CASP6: variants seen among roughly 807,000 people sequenced by gnomAD.
CASP6 encodes caspase-6.
In CASP6, 20 loss-of-function variants were observed where a neutral mutation model predicts 31.8. The ratio of observed to expected loss-of-function variants is 0.63; its 90% CI spans 0.44 to 0.91. The LOEUF (loss-of-function observed/expected upper bound fraction) is 0.91. CASP6 is among the 40% of genes least tolerant of loss of function. The probability of loss-of-function intolerance (pLI) is 0.00; values close to 1 mark genes in which losing one functional copy is unlikely to be tolerated. For synonymous variants in CASP6, 130 were observed against 127.8 expected, an observed-to-expected ratio of 1.02 and a Z score of -0.12; for missense variants, 328 against 361.1, an observed-to-expected ratio of 0.91 and a Z score of 0.74.
upstream of CASP6, among the ~76,000 whole-genome samples, chr4:109,704,150 G>T (rs1730530187): frequency 6.6e-6 from 1 of 152,130 alleles, no homozygotes. Flanking sequence ...TTTGAAATTA[G>T]GCCAACTAAT....
At chr4:109,682,807 T>C in the CASP6 span, 1 of 1,253,474 alleles carries the variant, frequency 8.0e-7, no homozygotes, top group Non-Finnish European at 1.1e-6. Flanking sequence ...GTGCTCCTCA[T>C]GTGAGCATTT....
At chr4:109,704,323 T>C (rs1173499306), upstream of CASP6, among the ~76,000 whole-genome samples, 2 of 152,188 alleles carry the variant, frequency 1.3e-5, no homozygotes, top group Non-Finnish European at 2.9e-5. Context: ...AAAAGCCAAG[T>C]CATGAATGCA....
chr4:109,689,172 G>A lies in CASP6; in HGVS notation c.*158C>T. On this transcript the variant is annotated 3_prime_UTR_variant, in exon 7 of 7. Coordinates refer to ENST00000265164, the MANE Select transcript of CASP6 (RefSeq NM_001226.4). ...TTTTTTGCATTTTTAGTAGAGACGG[G>A]GCTTCTCCATGTTGGTCAGGCTGGT... 1 of 659,118 alleles carries A rather than the reference G, an allele frequency of 1.5e-6. No homozygotes were observed. Among genetic ancestry groups the A allele is most frequent in the Non-Finnish European group, 2.7e-6 (1 of 374,600 alleles). The allele number at this position is 659,118 out of a possible 1,614,324, so 40.8% of individuals were successfully genotyped here. A position where few individuals can be genotyped will look rare whatever the true frequency, so the allele number is the denominator to read the frequency against.
At chr4:109,671,109 A>G in the CASP6 span, among the ~76,000 whole-genome samples, 47 of 152,336 alleles carry the variant, frequency 3.1e-4, no homozygotes, top group Admixed American at 1.4e-3. Flanking sequence ...TGCATCTAAG[A>G]AAAGTTGTTG....
the CASP6 span, among the ~76,000 whole-genome samples, chr4:109,671,861 G>A: frequency 1.6e-3 from 250 of 152,220 alleles, 1 homozygote; most frequent in Non-Finnish European, 2.9e-3. Flanking sequence ...TTTAGTGTGA[G>A]GTTTTATGTG....
intron 1 of CASP6, among the ~76,000 whole-genome samples, chr4:109,700,486 AAT>A (rs1448965353): frequency 3.3e-5 from 5 of 152,182 alleles, no homozygotes; most frequent in African/African-American, 1.2e-4. Flanking sequence ...TGCCCCTGTG[AAT>A]AGTCACCATA....
chr4:109,684,694 A>C (rs1729797336), downstream of CASP6: 1 of 905,538 alleles, frequency 1.1e-6, no homozygotes, highest in African/African-American at 1.6e-5. Flanking sequence ...CTTTGCAAAG[A>C]ATGTCTTATC....
chr4:109,672,432 A>C, the CASP6 span, among the ~76,000 whole-genome samples: 1 of 152,218 alleles, frequency 6.6e-6, no homozygotes, highest in Non-Finnish European at 1.5e-5. Context: ...AGTGTCCAGC[A>C]ATTCACCAAT....
At chr4:109,681,330 A>T in the CASP6 span, 1 of 310,448 alleles carries the variant, frequency 3.2e-6, no homozygotes, top group Non-Finnish European at 6.6e-6. Flanking sequence ...GGTTAAAGGT[A>T]GTCAAAAGCT....
chr4:109,706,131 T>TATATATATATATATATA (rs60918624), upstream of CASP6, among the ~76,000 whole-genome samples: 36 of 36,074 alleles, frequency 1.0e-3, 3 homozygotes, highest in African/African-American at 3.3e-3. Flanking sequence ...CCTATCCATT[T>TATATATATATATATATA]TATATATATA....
At chr4:109,687,251 T>C (rs547744375), downstream of CASP6, among the ~76,000 whole-genome samples, 68 of 151,980 alleles carry the variant, frequency 4.5e-4, 1 homozygote, top group South Asian at 0.013. Flanking sequence ...CCTAGCTACT[T>C]GGGAGGCTGA....
In CASP6 at chr4:109,688,976, AAGAC is replaced by A; in HGVS notation, c.*350_*353del. On this transcript the variant is annotated 3_prime_UTR_variant, in exon 7 of 7. Transcript: ENST00000265164. Reference sequence around the variant, plus strand: ...ACGATATTTATATAAAAGGAAGAGAAAGACATTTTCTTTTTTTTGAGACGGAGTT... The same window carrying A: ...ACGATATTTATATAAAAGGAAGAGAAATTTTCTTTTTTTTGAGACGGAGTT... The A allele has an allele frequency of 5.5e-6, 1 of 183,306 alleles. No homozygotes were observed. Among genetic ancestry groups the A allele is most frequent in the South Asian group, 1.2e-4 (1 of 8,404 alleles). 11.4% of individuals were successfully genotyped at this position (183,306 alleles called of 1,614,324 possible).
chr4:109,700,650 C>T (rs1699523402), intron 1 of CASP6, among the ~76,000 whole-genome samples: 1 of 152,080 alleles, frequency 6.6e-6, no homozygotes, highest in African/African-American at 2.4e-5. Flanking sequence ...AAAACCTAGG[C>T]TCTGGACATC....
upstream of CASP6, among the ~76,000 whole-genome samples, chr4:109,706,166 T>TAC (rs1192661059): frequency 2.2e-4 from 20 of 92,006 alleles, no homozygotes; most frequent in African/African-American, 1.1e-3. Context: ...TATATATATA[T>TAC]ATATACACAC....
chr4:109,665,494 A>G, the CASP6 span, among the ~76,000 whole-genome samples: 13 of 152,256 alleles, frequency 8.5e-5, no homozygotes, highest in East Asian at 2.5e-3. Flanking sequence ...AACTCTACCA[A>G]ACTCTACCAA....
chr4:109,669,370 A>C, the CASP6 span, among the ~76,000 whole-genome samples: 1 of 152,012 alleles, frequency 6.6e-6, no homozygotes, highest in Non-Finnish European at 1.5e-5. Flanking sequence ...GATTTCAGAG[A>C]AGTCAGGTTT....
At chr4:109,678,139 G>A in the CASP6 span, among the ~76,000 whole-genome samples, 1 of 151,956 alleles carries the variant, frequency 6.6e-6, no homozygotes, top group Non-Finnish European at 1.5e-5. Flanking sequence ...TGGGGGTAAG[G>A]TTATAGATTA....
At chr4:109,668,055 T>G in the CASP6 span, among the ~76,000 whole-genome samples, 2 of 152,060 alleles carry the variant, frequency 1.3e-5, no homozygotes, top group African/African-American at 4.8e-5. Context: ...TTTATAGCCT[T>G]CATTGTGATC....
chr4:109,664,655 A>G, the CASP6 span, among the ~76,000 whole-genome samples: 8 of 151,996 alleles, frequency 5.3e-5, no homozygotes, highest in South Asian at 4.2e-4. Context: ...CTTCACTTTT[A>G]CCTTTAGCTG....
Sources: gnomAD v4.1 joint callset for allele counts (sites outside exome capture counted in the v4.1 genomes callset) on GRCh38, gnomAD v4.1.1 for gene constraint, MANE v1.5 for transcripts, NCBI Gene and HGNC (gene_info 2026-07-23, HGNC 2026-07-21) for gene names.